SDK1: variants seen among roughly 807,000 people sequenced by gnomAD.
The protein encoded by SDK1 is sidekick cell adhesion molecule 1.
SDK1 carries 157 observed loss-of-function variants against 245.5 expected under a neutral mutation model. That is an observed-to-expected ratio of 0.64 (90% CI 0.56 to 0.73). SDK1 has a LOEUF of 0.73. SDK1 is among the 30% of genes least tolerant of loss of function. The pLI, the probability that SDK1 is intolerant of heterozygous loss-of-function variation, is 0.00. For missense variants in SDK1, 3,583 were observed against 3,002.3 expected (o/e 1.19, Z -4.52); for synonymous variants, 1,647 against 1,278.5 (o/e 1.29, Z -6.15).
intron 1 of SDK1, among the ~76,000 whole-genome samples, chr7:3,544,665 G>T (rs1197925788): frequency 6.6e-6 from 1 of 152,244 alleles, no homozygotes; most frequent in Non-Finnish European, 1.5e-5. Context: ...CAGATTTTGT[G>T]ATCGCATTCT....
At chr7:3,350,551 T>C (rs1386997516) in intron 1 of SDK1, among the ~76,000 whole-genome samples, 1 of 152,222 alleles carries the variant, frequency 6.6e-6, no homozygotes, top group Non-Finnish European at 1.5e-5. Context: ...CATTTTGCTT[T>C]TTATAATTGA....
intron 1 of SDK1, among the ~76,000 whole-genome samples, chr7:3,594,506 C>T (rs986264641): frequency 1.3e-5 from 2 of 152,038 alleles, no homozygotes; most frequent in African/African-American, 4.8e-5. Flanking sequence ...TAACTTGATA[C>T]CTAACATTTT....
At chr7:4,091,335 T>TTTTTTC (rs1491381206) in intron 22 of SDK1, among the ~76,000 whole-genome samples, 1 of 93,332 alleles carries the variant, frequency 1.1e-5, no homozygotes, top group African/African-American at 5.9e-5. Context: ...TTTTCTTTTC[T>TTTTTTC]TTTTTTTTTT....
chr7:3,340,258 A>G (rs1214626464), intron 1 of SDK1, among the ~76,000 whole-genome samples: 3 of 152,116 alleles, frequency 2.0e-5, no homozygotes, highest in African/African-American at 7.2e-5. Context: ...TGGCAATAAA[A>G]GGAGTCACAG....
intron 4 of SDK1, among the ~76,000 whole-genome samples, chr7:3,770,433 A>G (rs534343954): frequency 1.3e-5 from 2 of 152,184 alleles, no homozygotes; most frequent in Admixed American, 1.3e-4. Flanking sequence ...TTTTACATAA[A>G]CATAAGTTTT....
intron 1 of SDK1, among the ~76,000 whole-genome samples, chr7:3,547,346 A>T (rs995364932): frequency 2.0e-5 from 3 of 152,236 alleles, no homozygotes; most frequent in East Asian, 1.9e-4. Context: ...GTAAATAAAA[A>T]TTAACAATAA....
At chr7:3,644,040 C>T (rs1562626057) in intron 4 of SDK1, among the ~76,000 whole-genome samples, 1 of 151,024 alleles carries the variant, frequency 6.6e-6, no homozygotes, top group Non-Finnish European at 1.5e-5. Context: ...GTAGCTGGGA[C>T]TGCAGGTGTG....
chr7:3,413,977 A>T (rs189671942), intron 1 of SDK1, among the ~76,000 whole-genome samples: 1 of 152,280 alleles, frequency 6.6e-6, no homozygotes, highest in Admixed American at 6.5e-5. Flanking sequence ...ATCTCTAAAA[A>T]ATAAAAAGAT....
At chr7:3,670,887 G>C (rs1456652776) in intron 4 of SDK1, among the ~76,000 whole-genome samples, 1 of 152,202 alleles carries the variant, frequency 6.6e-6, no homozygotes, top group Admixed American at 6.5e-5. Flanking sequence ...TTTGTGCTCA[G>C]TTCAAGAGTA....
chr7:4,058,600 A>G (rs1779342439), intron 19 of SDK1, among the ~76,000 whole-genome samples: 1 of 152,202 alleles, frequency 6.6e-6, no homozygotes, highest in Admixed American at 6.5e-5. Flanking sequence ...ACACCAAAAG[A>G]AAAGCATCTA....
rs757491794 is a variant in SDK1 at position 3,971,564 on chromosome 7, C to G, written c.1813C>G (p.Leu605Val). Residue 605 changes from leucine (L) to valine (V), a missense_variant, in exon 12 of 45, where the codon CTC (leucine) becomes GTC (valine). Physicochemically the swap from Leu to Val is conservative, Grantham distance 32 (BLOSUM62 1). Coordinates refer to ENST00000404826, the MANE Select transcript of SDK1 (RefSeq NM_152744.4). ...TGCCACACATGACCCCCGGGTTTCA[C>G]TCCGGTCAGCACAATCAGTTACAAT... ...CGATHDPRVS[L>V]RYVWKKDNVA... is the part of the protein sequence containing the mutation. 1.2e-6 allele frequency: 2 copies of G among 1,607,810 alleles called. No homozygotes were observed. The highest frequency in any genetic ancestry group is 1.7e-5 in the Admixed American group (1 of 59,660).
intron 4 of SDK1, among the ~76,000 whole-genome samples, chr7:3,725,189 A>G (rs906940351): frequency 6.6e-6 from 1 of 152,216 alleles, no homozygotes; most frequent in African/African-American, 2.4e-5. Context: ...TTGCTAGAAG[A>G]AAATCTGCCC....
At chr7:3,438,200 C>T (rs796888482) in intron 1 of SDK1, among the ~76,000 whole-genome samples, 13 of 152,296 alleles carry the variant, frequency 8.5e-5, no homozygotes, top group African/African-American at 3.1e-4. Context: ...ATAGTTAATA[C>T]TAAACTGAAC....
chr7:3,918,356 C>T (rs574361577), intron 5 of SDK1, among the ~76,000 whole-genome samples: 28 of 152,308 alleles, frequency 1.8e-4, no homozygotes, highest in African/African-American at 4.3e-4. Flanking sequence ...ACCAGAGCTC[C>T]GCCCCCTGTC....
chr7:3,951,945 G>A (rs1260433177), intron 7 of SDK1, 25 bp downstream of exon 7: 4 of 1,596,820 alleles, frequency 2.5e-6, no homozygotes, highest in Admixed American at 1.8e-5. Context: ...TCTAAGTGGT[G>A]TTGCCAGCAT....
At chr7:3,504,865 T>A (rs1001675932) in intron 1 of SDK1, among the ~76,000 whole-genome samples, 1 of 151,966 alleles carries the variant, frequency 6.6e-6, no homozygotes, top group Non-Finnish European at 1.5e-5. Flanking sequence ...CCTGAAAATG[T>A]TAAAATACAA....
intron 32 of SDK1, among the ~76,000 whole-genome samples, chr7:4,173,253 C>T (rs1431477636): frequency 1.3e-5 from 2 of 152,182 alleles, no homozygotes; most frequent in Admixed American, 6.5e-5. Context: ...ACCAGATGCT[C>T]GGAGGCTCAG....
At chr7:3,875,124 G>A (rs28533776) in intron 5 of SDK1, among the ~76,000 whole-genome samples, 33,661 of 152,070 alleles carry the variant, frequency 0.22, 3,909 homozygotes, top group Middle Eastern at 0.32. Context: ...TGAGTTCAAG[G>A]TGTCTGTCCC....
chr7:3,610,806 A>G (rs1008343331), intron 1 of SDK1, among the ~76,000 whole-genome samples: 1 of 152,234 alleles, frequency 6.6e-6, no homozygotes, highest in African/African-American at 2.4e-5. Context: ...GCATAGGCAA[A>G]CTATTCACAG....
Sources: allele counts gnomAD v4.1 joint callset (sites outside exome capture counted in the v4.1 genomes callset), GRCh38; gene constraint gnomAD v4.1.1; transcripts MANE v1.5; gene names NCBI Gene and HGNC (gene_info 2026-07-23, HGNC 2026-07-21).